The following IQUB variants were observed in gnomAD, a reference collection of about 807,000 sequenced individuals.
IQUB encodes IQ motif and ubiquitin domain containing.
A neutral mutation model predicts 86.4 loss-of-function variants in IQUB; 86 were observed. The ratio of observed to expected loss-of-function variants is 1.00; its 90% confidence interval spans 0.84 to 1.19. The LOEUF (loss-of-function observed/expected upper bound fraction) is 1.19, where lower values mean the gene tolerates loss of function less well. IQUB is among the 50% of genes most tolerant of loss of function. The probability of loss-of-function intolerance (pLI) is 0.00; values close to 1 mark genes in which losing one functional copy is unlikely to be tolerated. For missense variants in IQUB, 946 were observed against 916.9 expected, an observed-to-expected ratio of 1.03 and a Z score of -0.41; for synonymous variants, 289 against 304.5, an observed-to-expected ratio of 0.95 and a Z score of 0.53.
chr7:123,464,903 C>G lies in IQUB; in HGVS notation c.1688G>C (p.Arg563Thr). ...KHHNLEGLRK[R>T]IATLFFHYIK... The stretch of plus-strand genomic sequence containing the variant: ...ATAATGAAAAAAGAGTGTCGCAATT[C>G]TTTTTCTGAGTCCTTCAAGGTTATG... Residue 563 changes from arginine (R) to threonine (T), a missense_variant, in exon 10 of 13, where the codon AGA becomes ACA. By Grantham distance (71) the Arg-to-Thr change is moderately conservative (BLOSUM62 -1). Transcript: ENST00000324698. 6.2e-7 allele frequency: 1 copy of G among 1,607,286 alleles called. No individual in the cohort carries two copies. The highest frequency in any genetic ancestry group is 1.3e-5 in the African/African-American group (1 of 74,594).
At chr7:123,490,689 G>A (rs1393106356) in intron 7 of IQUB, among the ~76,000 whole-genome samples, 1 of 152,194 alleles carries the variant, frequency 6.6e-6, no homozygotes, top group Non-Finnish European at 1.5e-5. Context: ...AATTGGCCGG[G>A]TGCATTGGCT....
chr7:123,496,764 A>G lies in IQUB; in HGVS notation c.1166T>C (p.Leu389Ser), dbSNP rs1562857376. The change falls in exon 7 of 13, where the codon TTG becomes TCG. Residue 389 changes from leucine (L) to serine (S), a missense_variant. Physicochemically the swap from Leu to Ser is moderately radical, Grantham distance 145. Coordinates refer to ENST00000324698, the MANE Select transcript of IQUB (RefSeq NM_178827.5). ...AGGATTATGCCTCCGGTGATAGTCC[A>G]ATTTTATCCATTCTTCTTTTTCTCT... ...KIREKEEWIK[L>S]DYHRRHNPKT... 5.0e-6 allele frequency: 8 copies of G among 1,611,982 alleles called. No homozygotes were observed. The highest frequency in any genetic ancestry group is 6.8e-6 in the Non-Finnish European group (8 of 1,178,596).
chr7:123,526,872 C>T (rs566172929), intron 1 of IQUB, among the ~76,000 whole-genome samples: 11 of 152,124 alleles, frequency 7.2e-5, no homozygotes, highest in South Asian at 2.1e-4. Context: ...CTTCTTCAGG[C>T]GCTCTTTTAG....
chr7:123,511,982 T>A lies in IQUB; in HGVS notation c.359A>T (p.Glu120Val). 1 of 1,610,118 alleles carries A rather than the reference T, an allele frequency of 6.2e-7. No homozygotes were observed. Among genetic ancestry groups the A allele is most frequent in the Non-Finnish European group, 8.5e-7 (1 of 1,176,892 alleles). ...AFLDKIKSVK[E>V]SLQESVEDSL... ...ATCTTCCACTGATTCTTGCAAAGAT[T>A]CCTTTACAGACTTTATTTTATCCAG... The change falls in exon 2 of 13, where the codon GAA becomes GTA. Residue 120 changes from glutamate (E) to valine (V), a missense_variant. Transcript: ENST00000324698.
intron 1 of IQUB, among the ~76,000 whole-genome samples, chr7:123,522,949 C>G (rs548164973): frequency 2.7e-5 from 4 of 146,642 alleles, no homozygotes; most frequent in Admixed American, 1.4e-4. Context: ...TGAGAATATG[C>G]GGTGTTTGGT....
intron 3 of IQUB, among the ~76,000 whole-genome samples, chr7:123,504,404 C>T (rs1420340236): frequency 6.6e-6 from 1 of 152,054 alleles, no homozygotes; most frequent in Non-Finnish European, 1.5e-5. Flanking sequence ...GAGCCAAGAT[C>T]ACACCCTGAA....
Position 123,471,307 on chromosome 7 carries a change from T to G in IQUB, c.1411-1923A>C, listed in dbSNP as rs183644820. On this transcript the variant is annotated intron_variant, in intron 8 of 12. Coordinates refer to ENST00000324698, the MANE Select transcript of IQUB (RefSeq NM_178827.5). The stretch of plus-strand genomic sequence containing the variant: ...AATAATTTTTAAATGCATATAGCCT[T>G]ATTTTGGGTAGGCCTCAGAGTGTTA... Among the ~76,000 whole-genome samples the G allele has an allele frequency of 2.0e-3, 307 of 152,340 alleles. 2 individuals are homozygous for G. Among genetic ancestry groups the G allele is most frequent in the Non-Finnish European group, 3.6e-3 (247 of 68,020 alleles).
chr7:123,512,309 T>C lies in IQUB; in HGVS notation c.32A>G (p.Gln11Arg). Residue 11 changes from glutamine to arginine, a missense_variant, in exon 2 of 13, where the codon CAG becomes CGG. Physicochemically the swap from Gln to Arg is conservative, Grantham distance 43. Transcript: ENST00000324698. ...CTCTTCTGTTGAATTGACTATATTCTGAGCTTCATACTTCTCCTGTTGATT... is the reference window on the plus strand; with the variant it reads ...CTCTTCTGTTGAATTGACTATATTCCGAGCTTCATACTTCTCCTGTTGATT... MSNQQEKYEA[Q>R]NIVNSTEESD... 6.3e-7 allele frequency: 1 copy of C among 1,589,216 alleles called. No individual in the cohort carries two copies. The highest frequency in any genetic ancestry group is 2.3e-5 in the East Asian group (1 of 44,254).
intron 7 of IQUB, among the ~76,000 whole-genome samples, chr7:123,486,884 A>G (rs1795233656): frequency 1.8e-5 from 2 of 109,732 alleles, no homozygotes; most frequent in South Asian, 2.8e-4. Flanking sequence ...ATTCAGCCTG[A>G]TAAGTGTTAT....
intron 1 of IQUB, among the ~76,000 whole-genome samples, chr7:123,526,329 G>C (rs1797206033): frequency 6.6e-6 from 1 of 151,646 alleles, no homozygotes; most frequent in Non-Finnish European, 1.5e-5. Context: ...ATTAATGTGT[G>C]GGAGTCTAAG....
chr7:123,475,400 G>C (rs956221185), intron 8 of IQUB, among the ~76,000 whole-genome samples: 2 of 118,974 alleles, frequency 1.7e-5, no homozygotes, highest in African/African-American at 6.6e-5. Context: ...TTTTTGGTGA[G>C]ATTTACATGA....
Position 123,469,214 on chromosome 7 carries a change from C to G in IQUB, c.1581G>C (p.Lys527Asn), listed in dbSNP as rs760524191. The G allele has an allele frequency of 6.4e-7, 1 of 1,552,322 alleles. No individual in the cohort carries two copies. The change falls in exon 9 of 13, where the codon AAG becomes AAC. Residue 527 changes from lysine to asparagine, a missense_variant and splice_region_variant. Coordinates refer to ENST00000324698, the MANE Select transcript of IQUB (RefSeq NM_178827.5). ...CCAAACTAAGAGAAAGTTAACATAC[C>G]TTTACAGTGTGTTTAAGAGTTAACA... is the stretch of plus-strand genomic sequence containing the variant. The part of the protein sequence containing the change: ...DVLLTLKHTV[K>N]EHECKLTQEI...
chr7:123,509,944 G>C lies in IQUB; in HGVS notation c.489C>G (p.His163Gln). Residue 163 changes from histidine (H) to glutamine (Q), a missense_variant, in exon 3 of 13, where the codon CAC becomes CAG. Physicochemically the swap from His to Gln is conservative, Grantham distance 24 (BLOSUM62 0). Coordinates refer to ENST00000324698, the MANE Select transcript of IQUB (RefSeq NM_178827.5). ...ILKYLKDHFS[H>Q]LLGIPHSVLQ... ...GTACAGAATGTGGGATACCTAATAA[G>C]TGTGAAAAATGGTCCTTAAGATATT... is the stretch of plus-strand genomic sequence containing the variant. The C allele has an allele frequency of 6.2e-7, 1 of 1,609,562 alleles. No homozygotes were observed. Among genetic ancestry groups the C allele is most frequent in the Non-Finnish European group, 8.5e-7 (1 of 1,177,626 alleles).
rs535734568 is a variant in IQUB at position 123,459,220 on chromosome 7, T to C, written c.2008-1654A>G. 2.0e-3 allele frequency among the ~76,000 whole-genome samples: 309 copies of C among 152,102 alleles called. 4 individuals are homozygous for C. The Middle Eastern group carries it at 0.027, about 13-fold the overall frequency. ...ATTATCCTTATCTGAAAGGTTACAA[T>C]GCTCCCCTAGAATTTTTTCATTCAA... On this transcript the variant is annotated intron_variant, in intron 11 of 12. Transcript: ENST00000324698.
intron 1 of IQUB, among the ~76,000 whole-genome samples, chr7:123,525,956 T>C (rs1356162030): frequency 7.2e-6 from 1 of 138,272 alleles, no homozygotes; most frequent in Non-Finnish European, 1.6e-5. Context: ...CATTTTGTTA[T>C]GTACCCAGTA....
intron 7 of IQUB, among the ~76,000 whole-genome samples, chr7:123,486,485 C>A (rs2117110111): frequency 6.6e-6 from 1 of 152,246 alleles, no homozygotes; most frequent in Non-Finnish European, 1.5e-5. Flanking sequence ...GTACAATGAC[C>A]ACTGTGAATG....
intron 1 of IQUB, among the ~76,000 whole-genome samples, chr7:123,526,300 A>G (rs1352086271): frequency 1.2e-4 from 18 of 151,644 alleles, no homozygotes; most frequent in East Asian, 1.9e-4. Flanking sequence ...TTGACAGTGG[A>G]GTGTTAAAGT....
At position 123,531,170 on chromosome 7, in the gene IQUB, A is replaced by C. The variant is rs1797521248; in HGVS notation, c.-5+3322T>G. Among the ~76,000 whole-genome samples, 2 of 152,178 alleles carry C rather than the reference A, an allele frequency of 1.3e-5. 1 individual carries two copies. The highest frequency in any genetic ancestry group is 4.1e-4 in the South Asian group (2 of 4,828). ...TAATGCATAGTCTTTGTATCCTATC[A>C]CACTGTGGCATTATATATATAAAAC... is the stretch of plus-strand genomic sequence containing the variant. On this transcript the variant is annotated intron_variant, in intron 1 of 12. Coordinates refer to ENST00000324698, the MANE Select transcript of IQUB (RefSeq NM_178827.5).
At chr7:123,518,081 C>T (rs1300891210) in intron 1 of IQUB, among the ~76,000 whole-genome samples, 1 of 152,166 alleles carries the variant, frequency 6.6e-6, no homozygotes, top group East Asian at 1.9e-4. Flanking sequence ...TTATATCTAA[C>T]AGTATAATAA....
Sources: allele counts gnomAD v4.1 joint callset (sites outside exome capture counted in the v4.1 genomes callset), GRCh38; gene constraint gnomAD v4.1.1; transcripts MANE v1.5; gene names NCBI Gene and HGNC (gene_info 2026-07-23, HGNC 2026-07-21).